Variants in ANKS1B observed in about 807,000 individuals in gnomAD.
The protein encoded by ANKS1B is ankyrin repeat and sterile alpha motif domain containing 1B.
Under a neutral mutation model 148.3 loss-of-function variants are expected in ANKS1B, and 36 were observed. That is an observed-to-expected ratio of 0.24 (90% CI 0.19 to 0.32). ANKS1B has a LOEUF of 0.32. Ranked by LOEUF, ANKS1B falls within the 10% of genes least tolerant of loss-of-function variation. The probability of loss-of-function intolerance (pLI) is 1.00; values close to 1 mark genes in which losing one functional copy is unlikely to be tolerated. For synonymous variants in ANKS1B, 542 were observed against 560.8 expected (o/e 0.97, Z 0.47); for missense variants, 1,157 against 1,542.6 (o/e 0.75, Z 4.19).
At chr12:99,872,462 T>C (rs559445576) in intron 1 of ANKS1B, among the ~76,000 whole-genome samples, 5 of 152,190 alleles carry the variant, frequency 3.3e-5, no homozygotes, top group African/African-American at 1.2e-4. Context: ...AAATCACCAA[T>C]GTGAAACAAA....
chr12:99,046,839 A>T (rs1598949764), intron 17 of ANKS1B, among the ~76,000 whole-genome samples: 1 of 151,430 alleles, frequency 6.6e-6, no homozygotes, highest in African/African-American at 2.4e-5. Flanking sequence ...AAAAAGAAAG[A>T]CCCAAGTCTA....
chr12:99,416,914 G>A (rs2094927080), intron 11 of ANKS1B, among the ~76,000 whole-genome samples: 1 of 152,126 alleles, frequency 6.6e-6, no homozygotes, highest in African/African-American at 2.4e-5. Flanking sequence ...CATAAACAGA[G>A]GTGGGGAGGG....
At position 99,954,562 on chromosome 12, in the gene ANKS1B, T is replaced by C. The variant is rs141453220; in HGVS notation, c.134+29542A>G. The stretch of plus-strand genomic sequence containing the variant: ...GGTTACTTTTGGTCCTGATTCCTTT[T>C]GGAATTTATATGGAAAGATGTAACA... On this transcript the variant is annotated intron_variant, in intron 1 of 26. Coordinates refer to ENST00000683438, the MANE Select transcript of ANKS1B (RefSeq NM_001352186.2). 4.1e-3 allele frequency among the ~76,000 whole-genome samples: 630 copies of C among 152,348 alleles called. 5 individuals are homozygous for C. The highest frequency in any genetic ancestry group is 0.014 in the African/African-American group (576 of 41,582).
chr12:99,172,440 G>C (rs529109170), intron 14 of ANKS1B, among the ~76,000 whole-genome samples: 1 of 152,250 alleles, frequency 6.6e-6, no homozygotes, highest in Non-Finnish European at 1.5e-5. Context: ...AGAGCAAATA[G>C]ACAAAATGAC....
chr12:99,222,918 A>G (rs1396764659), intron 14 of ANKS1B, among the ~76,000 whole-genome samples: 2 of 152,186 alleles, frequency 1.3e-5, no homozygotes, highest in African/African-American at 2.4e-5. Flanking sequence ...TTGTTCATCA[A>G]TGGTTCCATT....
chr12:99,348,240 C>T (rs1196409872), intron 12 of ANKS1B, among the ~76,000 whole-genome samples: 1 of 151,824 alleles, frequency 6.6e-6, no homozygotes, highest in East Asian at 1.9e-4. Flanking sequence ...CTATCGGAAT[C>T]CCAGAAAGAG....
chr12:98,975,275 CCCTT>C (rs1387306160), intron 17 of ANKS1B, among the ~76,000 whole-genome samples: 10 of 146,292 alleles, frequency 6.8e-5, no homozygotes, highest in East Asian at 2.1e-4. Context: ...CTCCCTCCCT[CCCTT>C]CCTTTTTTCT....
intron 9 of ANKS1B, among the ~76,000 whole-genome samples, chr12:99,511,235 A>C (rs1396172772): frequency 6.6e-6 from 1 of 151,870 alleles, no homozygotes; most frequent in Non-Finnish European, 1.5e-5. Context: ...CCATGAAGGG[A>C]TGTTGAATTT....
At chr12:98,869,694 T>A (rs2099643393) in intron 17 of ANKS1B, among the ~76,000 whole-genome samples, 1 of 32,134 alleles carries the variant, frequency 3.1e-5, no homozygotes, top group South Asian at 1.1e-3. Context: ...CATATGTATG[T>A]GTGTGTATGT....
chr12:99,930,964 C>T (rs2094597721), intron 1 of ANKS1B, among the ~76,000 whole-genome samples: 1 of 152,126 alleles, frequency 6.6e-6, no homozygotes, highest in Admixed American at 6.6e-5. Context: ...CAATGATAGA[C>T]TGGATTAAGA....
chr12:99,780,784 A>T (rs1385810819), intron 5 of ANKS1B, among the ~76,000 whole-genome samples: 5 of 152,220 alleles, frequency 3.3e-5, no homozygotes, highest in Non-Finnish European at 2.9e-5. Context: ...ACACTTGAAT[A>T]TTCACAAAGT....
At chr12:98,947,158 G>C (rs2153052907) in intron 17 of ANKS1B, among the ~76,000 whole-genome samples, 1 of 152,226 alleles carries the variant, frequency 6.6e-6, no homozygotes. Flanking sequence ...GGGTCTTTTA[G>C]CCCAGTGCAG....
chr12:99,226,430 T>C (rs1331309719), intron 14 of ANKS1B, among the ~76,000 whole-genome samples: 1 of 152,200 alleles, frequency 6.6e-6, no homozygotes, highest in African/African-American at 2.4e-5. Context: ...TCCAAAGAGA[T>C]AATAGTGGAA....
chr12:99,230,928 T>G (rs891889296), intron 14 of ANKS1B, among the ~76,000 whole-genome samples: 1 of 152,176 alleles, frequency 6.6e-6, no homozygotes, highest in African/African-American at 2.4e-5. Flanking sequence ...TGTGCTAATG[T>G]ATTCTACTAC....
At chr12:98,763,899 A>G (rs1055215519) in intron 25 of ANKS1B, among the ~76,000 whole-genome samples, 3 of 152,208 alleles carry the variant, frequency 2.0e-5, no homozygotes, top group Admixed American at 6.5e-5. Context: ...CACCCCAAGT[A>G]TAGGAGGTTG....
At chr12:99,274,823 A>G (rs1019117986) in intron 12 of ANKS1B, among the ~76,000 whole-genome samples, 7 of 152,224 alleles carry the variant, frequency 4.6e-5, no homozygotes, top group African/African-American at 1.7e-4. Flanking sequence ...ACTGGGGTCA[A>G]TGCAAAGGTT....
chr12:99,850,512 C>T (rs2087621240), intron 1 of ANKS1B, among the ~76,000 whole-genome samples: 1 of 151,962 alleles, frequency 6.6e-6, no homozygotes, highest in African/African-American at 2.4e-5. Flanking sequence ...AATTCTCTAT[C>T]TTCTAAACCA....
chr12:98,926,506 A>T (rs1304914889), intron 17 of ANKS1B, among the ~76,000 whole-genome samples: 1 of 152,162 alleles, frequency 6.6e-6, no homozygotes, highest in Non-Finnish European at 1.5e-5. Flanking sequence ...AATAAAAAGC[A>T]AAGTATGGCC....
chr12:99,349,715 C>G (rs2091177621), intron 12 of ANKS1B, among the ~76,000 whole-genome samples: 1 of 151,904 alleles, frequency 6.6e-6, no homozygotes, highest in African/African-American at 2.4e-5. Context: ...GAATAAACAG[C>G]TCTACAGTAA....
Sources: gnomAD v4.1 joint callset for allele counts (sites outside exome capture counted in the v4.1 genomes callset) on GRCh38, gnomAD v4.1.1 for gene constraint, MANE v1.5 for transcripts, NCBI Gene and HGNC (gene_info 2026-07-23, HGNC 2026-07-21) for gene names.